ARHGAP5: variants seen among roughly 807,000 people sequenced by gnomAD.
ARHGAP5 encodes rho GTPase-activating protein 5.
Under a neutral mutation model 116.6 loss-of-function variants are expected in ARHGAP5, and 23 were observed. That is an observed-to-expected ratio of 0.20 (90% CI 0.14 to 0.28). The LOEUF is 0.28. ARHGAP5 is among the 10% of genes least tolerant of loss of function. The probability of loss-of-function intolerance (pLI) is 1.00; values close to 1 mark genes in which losing one functional copy is unlikely to be tolerated. For synonymous variants in ARHGAP5, 574 were observed against 602.0 expected (o/e 0.95, Z 0.68); for missense variants, 1,405 against 1,774.8 (o/e 0.79, Z 3.74).
chr14:32,119,900 T>G (rs1220208398), intron 3 of ARHGAP5, among the ~76,000 whole-genome samples: 5 of 152,252 alleles, frequency 3.3e-5, no homozygotes, highest in Admixed American at 2.0e-4. Context: ...TGTTAAGGAT[T>G]TTTGCATCCT....
chr14:32,137,801 G>C (rs1028830506), intron 3 of ARHGAP5, among the ~76,000 whole-genome samples: 1 of 151,638 alleles, frequency 6.6e-6, no homozygotes, highest in African/African-American at 2.4e-5. Flanking sequence ...ATGAAACCCC[G>C]TCTCTACTAA....
chr14:32,097,498 G>A (rs1400849445), intron 2 of ARHGAP5, among the ~76,000 whole-genome samples: 1 of 152,074 alleles, frequency 6.6e-6, no homozygotes, highest in Non-Finnish European at 1.5e-5. Context: ...ACACAGACAA[G>A]CAAAATTTAT....
At position 32,092,670 on chromosome 14, in the gene ARHGAP5, A is replaced by G. The variant is rs372988874; in HGVS notation, c.2001A>G (p.Ser667=). The part of the protein sequence containing the change: ...GCFCVFNSIE[S]LSFIGEFIGK... ...TCTGTGTATTTAATTCCATTGAGTC[A>G]TTGAGTTTTATTGGGGAATTTATTG... Residue 667 remains serine, a synonymous_variant, in exon 2 of 7, where the codon TCA becomes TCG. Coordinates refer to ENST00000345122, the MANE Select transcript of ARHGAP5 (RefSeq NM_001030055.2). This position sits in a 1 kb window ranked among gnomAD's most constrained non-coding sequence, Gnocchi z 4.1. 1 of 1,614,020 alleles carries G rather than the reference A, an allele frequency of 6.2e-7. No homozygotes were observed.
intron 3 of ARHGAP5, among the ~76,000 whole-genome samples, chr14:32,124,903 A>C (rs760456052): frequency 1.3e-5 from 2 of 152,222 alleles, no homozygotes; most frequent in Non-Finnish European, 2.9e-5. Context: ...CAAACAGGCT[A>C]TACAAGAGTG....
chr14:32,115,034 A>G (rs535458257), intron 2 of ARHGAP5, among the ~76,000 whole-genome samples: 3 of 152,224 alleles, frequency 2.0e-5, no homozygotes, highest in African/African-American at 7.2e-5. Flanking sequence ...TGAAAAACCA[A>G]CAAGGGCTGT....
chr14:32,144,314 A>G (rs1881271355), intron 3 of ARHGAP5, among the ~76,000 whole-genome samples: 1 of 152,050 alleles, frequency 6.6e-6, no homozygotes, highest in African/African-American at 2.4e-5. Flanking sequence ...GGTGTGAGCT[A>G]CCATGCCTGG....
chr14:32,093,977 G>T lies in ARHGAP5; in HGVS notation c.3308G>T (p.Gly1103Val). ...EPIDTIFKQK[G>V]YSDEIYVVPD... ...ATTGATACAATTTTCAAACAGAAGGGCTATTCTGATGAGATTTATGTTGTC... is the reference window on the plus strand; with the variant it reads ...ATTGATACAATTTTCAAACAGAAGGTCTATTCTGATGAGATTTATGTTGTC... The change falls in exon 2 of 7, where the codon GGC becomes GTC. Residue 1103 changes from glycine (G) to valine (V), a missense_variant. By Grantham distance (109) the Gly-to-Val change is moderately radical (BLOSUM62 -3). Transcript: ENST00000345122. The T allele has an allele frequency of 1.2e-6, 2 of 1,613,666 alleles. No homozygotes were observed. Among genetic ancestry groups the T allele is most frequent in the Non-Finnish European group, 1.7e-6 (2 of 1,179,946 alleles).
intron 2 of ARHGAP5, 99 bp downstream of exon 2, chr14:32,094,485 TA>T: frequency 1.2e-6 from 1 of 858,832 alleles, no homozygotes; most frequent in South Asian, 2.3e-5. Flanking sequence ...ATTCATTCCA[TA>T]CATAATAATT....
intron 3 of ARHGAP5, among the ~76,000 whole-genome samples, chr14:32,144,784 T>G (rs1393204172): frequency 6.6e-6 from 1 of 152,166 alleles, no homozygotes; most frequent in African/African-American, 2.4e-5. Context: ...ACTCCTGGCC[T>G]AAAATTTCCA....
intron 2 of ARHGAP5, among the ~76,000 whole-genome samples, chr14:32,113,080 T>G (rs912086941): frequency 6.6e-6 from 1 of 152,218 alleles, no homozygotes; most frequent in Non-Finnish European, 1.5e-5. Context: ...TGAAATAGGT[T>G]TCTAGTTACA....
chr14:32,094,427 T>G, intron 2 of ARHGAP5, 41 bp downstream of exon 2: 1 of 1,441,460 alleles, frequency 6.9e-7, no homozygotes, highest in South Asian at 1.4e-5. Context: ...TAAAAATGCT[T>G]GTTGTTACTT....
chr14:32,142,492 T>A (rs1249091689), intron 3 of ARHGAP5, among the ~76,000 whole-genome samples: 1 of 152,216 alleles, frequency 6.6e-6, no homozygotes, highest in Non-Finnish European at 1.5e-5. Context: ...GCCACTGAAG[T>A]CTGTTCTATT....
chr14:32,107,402 A>G (rs562902948), intron 2 of ARHGAP5, among the ~76,000 whole-genome samples: 8 of 152,304 alleles, frequency 5.3e-5, no homozygotes, highest in African/African-American at 1.7e-4. Context: ...AATGGTATAT[A>G]AGCCAATAGT....
intron 3 of ARHGAP5, among the ~76,000 whole-genome samples, chr14:32,119,509 C>T (rs185253310): frequency 7.9e-5 from 12 of 152,132 alleles, no homozygotes; most frequent in South Asian, 2.1e-4. Flanking sequence ...TAGTTTGAAT[C>T]GTACAGTATG....
At chr14:32,141,675 A>G (rs989539369) in intron 3 of ARHGAP5, among the ~76,000 whole-genome samples, 12 of 152,094 alleles carry the variant, frequency 7.9e-5, no homozygotes, top group Admixed American at 2.0e-4. Flanking sequence ...TCTTTACCAT[A>G]TCTTGTAGGA....
chr14:32,116,680 G>A (rs1433002576), intron 2 of ARHGAP5, among the ~76,000 whole-genome samples: 1 of 152,124 alleles, frequency 6.6e-6, no homozygotes, highest in Non-Finnish European at 1.5e-5. Context: ...TGGAACTAAC[G>A]GTTCATGGAG....
intron 2 of ARHGAP5, among the ~76,000 whole-genome samples, chr14:32,114,011 G>A (rs1394783377): frequency 3.3e-5 from 5 of 152,108 alleles, no homozygotes; most frequent in Non-Finnish European, 7.4e-5. Flanking sequence ...GGCAGATCAC[G>A]AGGTCAGGAG....
intron 1 of ARHGAP5, among the ~76,000 whole-genome samples, chr14:32,083,639 C>G (rs563884386): frequency 1.3e-5 from 2 of 152,130 alleles, no homozygotes; most frequent in African/African-American, 4.8e-5. Flanking sequence ...CTTTTTTTCC[C>G]TTAATCCATA....
rs1392521401 is a variant in ARHGAP5, at chr14:32,079,573, A to AAT, written c.-169+2141_-169+2142dup. Among the ~76,000 whole-genome samples the AAT allele has an allele frequency of 5.3e-5, 8 of 152,308 alleles. No individual in the cohort carries two copies. In the East Asian group the frequency reaches 1.3e-3, roughly 26 times the overall value. On this transcript the variant is annotated intron_variant, in intron 1 of 6. Coordinates refer to ENST00000345122, the MANE Select transcript of ARHGAP5 (RefSeq NM_001030055.2). ...GAAAGTTAAGATTATTTAAGGAATG[A>AAT]ATATTGTATTTGCATTCCTTTTTTG...
Sources: gnomAD v4.1 joint callset for allele counts (sites outside exome capture counted in the v4.1 genomes callset) on GRCh38, gnomAD v4.1.1 for gene constraint, Gnocchi (gnomAD v3.1) non-coding constraint, MANE v1.5 for transcripts, NCBI Gene and HGNC (gene_info 2026-07-23, HGNC 2026-07-21) for gene names.